Variants in MEI4 observed in about 807,000 individuals in gnomAD.
The protein encoded by MEI4 is meiotic double-stranded break formation protein 4.
Under a neutral mutation model 31.4 loss-of-function variants are expected in MEI4, and 27 were observed. The observed-to-expected ratio is 0.86, with a 90% CI of 0.63 to 1.19. The LOEUF (loss-of-function observed/expected upper bound fraction) is 1.19, where lower values mean the gene tolerates loss of function less well. Among genes scored for constraint, MEI4 ranks in the 50% most tolerant of loss-of-function variants. MEI4 has a pLI of 0.00. For missense variants in MEI4, 329 were observed against 398.9 expected, an observed-to-expected ratio of 0.82 and a Z score of 1.49; for synonymous variants, 122 against 145.4, an observed-to-expected ratio of 0.84 and a Z score of 1.16.
chr6:77,867,837 A>G (rs1771086324), intron 4 of MEI4, among the ~76,000 whole-genome samples: 1 of 152,200 alleles, frequency 6.6e-6, no homozygotes, highest in Non-Finnish European at 1.5e-5. Flanking sequence ...ACAATGATAG[A>G]CTGGATTAAG....
intron 1 of MEI4, among the ~76,000 whole-genome samples, chr6:77,673,839 G>A (rs772659978): frequency 2.0e-5 from 3 of 152,170 alleles, no homozygotes; most frequent in Non-Finnish European, 4.4e-5. Context: ...GATAAGAATT[G>A]TATGAATAGT....
chr6:77,653,188 C>T (rs545760912), intron 1 of MEI4, among the ~76,000 whole-genome samples, 96 bp downstream of exon 1: 4 of 152,302 alleles, frequency 2.6e-5, no homozygotes, highest in African/African-American at 9.6e-5. Flanking sequence ...TCGCAAGGAT[C>T]TTTCTCAAGC....
At chr6:77,790,775 A>G (rs1467254639) in intron 3 of MEI4, among the ~76,000 whole-genome samples, 1 of 152,196 alleles carries the variant, frequency 6.6e-6, no homozygotes, top group Non-Finnish European at 1.5e-5. Context: ...AAAAAATTGT[A>G]TCTAATAGAA....
At chr6:77,922,087 C>G (rs1006729687) in intron 4 of MEI4, among the ~76,000 whole-genome samples, 1 of 151,610 alleles carries the variant, frequency 6.6e-6, no homozygotes, top group Non-Finnish European at 1.5e-5. Context: ...TAATGTAAAG[C>G]ACACTAAAAT....
chr6:77,771,396 T>TA (rs139944560), intron 3 of MEI4, among the ~76,000 whole-genome samples: 20,947 of 151,994 alleles, frequency 0.14, 1,533 homozygotes, highest in Middle Eastern at 0.21. Flanking sequence ...TCTAAAGAAC[T>TA]AAAAAGGAAT....
chr6:77,851,771 T>G (rs911596905), intron 4 of MEI4, among the ~76,000 whole-genome samples: 28 of 151,862 alleles, frequency 1.8e-4, no homozygotes, highest in African/African-American at 6.8e-4. Flanking sequence ...ACCCTAGAAC[T>G]TAAAGTATAA....
chr6:77,735,039 C>T lies in MEI4; in HGVS notation c.233-26091C>T, dbSNP rs1205002055. The stretch of plus-strand genomic sequence containing the variant: ...TGATGGGCTTCCCCTTGTGGGTAAC[C>T]GTACCTTTCTCTCTGGCTGCCCTTA... On this transcript the variant is annotated intron_variant, in intron 2 of 4. Coordinates refer to ENST00000684080, the MANE Select transcript of MEI4 (RefSeq NM_001322247.2). Among the ~76,000 whole-genome samples the T allele has an allele frequency of 5.9e-5, 9 of 152,006 alleles. 1 individual carries two copies. The highest frequency in any genetic ancestry group is 1.7e-4 in the African/African-American group (7 of 41,310).
chr6:77,909,227 A>G (rs898810543), intron 4 of MEI4, among the ~76,000 whole-genome samples: 1 of 152,152 alleles, frequency 6.6e-6, no homozygotes, highest in African/African-American at 2.4e-5. Flanking sequence ...CTACATGGAT[A>G]GAGACACAAA....
At chr6:77,823,460 C>A (rs919333850) in intron 3 of MEI4, among the ~76,000 whole-genome samples, 1 of 152,164 alleles carries the variant, frequency 6.6e-6, no homozygotes, top group Non-Finnish European at 1.5e-5. Context: ...GTGGTCATTT[C>A]TCTGGATATT....
intron 1 of MEI4, among the ~76,000 whole-genome samples, chr6:77,664,477 G>A (rs1408723870): frequency 6.6e-6 from 1 of 152,148 alleles, no homozygotes; most frequent in East Asian, 1.9e-4. Flanking sequence ...CTGGGCAGGT[G>A]GGGGAGGGCT....
chr6:77,771,288 A>T (rs1768310133), intron 3 of MEI4, among the ~76,000 whole-genome samples: 1 of 152,140 alleles, frequency 6.6e-6, no homozygotes, highest in Non-Finnish European at 1.5e-5. Flanking sequence ...TCAGAAAAAA[A>T]CAGATGCTGG....
chr6:77,911,704 T>C (rs893398421), intron 4 of MEI4, among the ~76,000 whole-genome samples: 6 of 148,262 alleles, frequency 4.0e-5, no homozygotes, highest in African/African-American at 1.5e-4. Flanking sequence ...ATATTATGTA[T>C]ATAATACATA....
At chr6:77,852,327 A>G (rs868479878) in intron 4 of MEI4, among the ~76,000 whole-genome samples, 6 of 152,340 alleles carry the variant, frequency 3.9e-5, no homozygotes, top group Middle Eastern at 3.4e-3. Context: ...AGATGCCCAC[A>G]GTTTTATTCA....
chr6:77,746,968 T>C (rs1767626481), intron 2 of MEI4, among the ~76,000 whole-genome samples: 1 of 152,114 alleles, frequency 6.6e-6, no homozygotes, highest in African/African-American at 2.4e-5. Context: ...AAATTACCCT[T>C]TTGACATTTG....
chr6:77,691,020 C>A, intron 2 of MEI4, 117 bp downstream of exon 2: 1 of 455,476 alleles, frequency 2.2e-6, no homozygotes, highest in Non-Finnish European at 3.6e-6. Flanking sequence ...GAAAGCTCGA[C>A]ATCTTCTAGC....
chr6:77,651,417 C>T (rs1768295829), upstream of MEI4, among the ~76,000 whole-genome samples: 1 of 152,102 alleles, frequency 6.6e-6, no homozygotes, highest in Non-Finnish European at 1.5e-5. Flanking sequence ...CATCAGGAAC[C>T]ATAGATAAGG....
At chr6:77,743,826 T>C (rs1474908463) in intron 2 of MEI4, among the ~76,000 whole-genome samples, 1 of 152,206 alleles carries the variant, frequency 6.6e-6, no homozygotes, top group Admixed American at 6.5e-5. Context: ...TCTGCTGTTA[T>C]GCAGCCACCG....
intron 2 of MEI4, among the ~76,000 whole-genome samples, chr6:77,699,124 C>T (rs1432377704): frequency 6.6e-6 from 1 of 151,868 alleles, no homozygotes; most frequent in Non-Finnish European, 1.5e-5. Context: ...TCCATTAGCT[C>T]CTTTAAGGAC....
chr6:77,791,182 G>A (rs535675472), intron 3 of MEI4, among the ~76,000 whole-genome samples: 8 of 152,184 alleles, frequency 5.3e-5, no homozygotes, highest in African/African-American at 7.2e-5. Context: ...CCATTACTGG[G>A]TATATACCCA....
Sources: gnomAD v4.1 joint callset for allele counts (sites outside exome capture counted in the v4.1 genomes callset) on GRCh38, gnomAD v4.1.1 for gene constraint, MANE v1.5 for transcripts, NCBI Gene and HGNC (gene_info 2026-07-23, HGNC 2026-07-21) for gene names.